DDX10: variants seen among roughly 807,000 people sequenced by gnomAD.
DDX10 encodes the protein DEAD-box helicase 10.
DDX10 carries 74 observed loss-of-function variants against 104.3 expected under a neutral mutation model. That is an observed-to-expected ratio of 0.71 (90% confidence interval 0.59 to 0.86). The LOEUF is 0.86. DDX10 is among the 40% of genes least tolerant of loss of function. The pLI is 0.00. For synonymous variants in DDX10, 351 were observed against 353.4 expected, an observed-to-expected ratio of 0.99 and a Z score of 0.08; for missense variants, 952 against 1,040.0, an observed-to-expected ratio of 0.92 and a Z score of 1.16.
intron 15 of DDX10, among the ~76,000 whole-genome samples, chr11:108,849,748 T>G (rs1388677769): frequency 6.6e-6 from 1 of 151,882 alleles, no homozygotes; most frequent in East Asian, 1.9e-4. Flanking sequence ...ATAGGAAAAA[T>G]AAAGCATTTA....
At chr11:108,796,107 G>T (rs576003724) in intron 13 of DDX10, among the ~76,000 whole-genome samples, 3 of 152,102 alleles carry the variant, frequency 2.0e-5, no homozygotes, top group Non-Finnish European at 4.4e-5. Flanking sequence ...GCTGTTAATA[G>T]TATTTCTTTA....
At chr11:108,704,146 G>A (rs116992358) in intron 9 of DDX10, among the ~76,000 whole-genome samples, 1,577 of 152,252 alleles carry the variant, frequency 0.01, 19 homozygotes, top group Admixed American at 0.025. Context: ...ATGGACAGAG[G>A]TGTGACTAGC....
chr11:108,763,548 T>A (rs1170307720), intron 13 of DDX10, among the ~76,000 whole-genome samples: 1 of 152,206 alleles, frequency 6.6e-6, no homozygotes, highest in African/African-American at 2.4e-5. Flanking sequence ...GTTAGCACCA[T>A]GCTTTTTCCA....
chr11:108,877,542 C>T (rs1314517359), intron 16 of DDX10, among the ~76,000 whole-genome samples: 1 of 152,142 alleles, frequency 6.6e-6, no homozygotes, highest in African/African-American at 2.4e-5. Context: ...TTGTACAAAT[C>T]AAGCTTGTGT....
At chr11:108,868,802 T>G (rs1277118002) in intron 16 of DDX10, among the ~76,000 whole-genome samples, 1 of 152,108 alleles carries the variant, frequency 6.6e-6, no homozygotes, top group East Asian at 1.9e-4. Context: ...TAATACCCTA[T>G]CAGAGCTCCC....
At chr11:108,772,005 A>G (rs939623854) in intron 13 of DDX10, among the ~76,000 whole-genome samples, 1 of 152,164 alleles carries the variant, frequency 6.6e-6, no homozygotes, top group African/African-American at 2.4e-5. Flanking sequence ...TTTAGCTTGT[A>G]GTTTGTCCAT....
At chr11:108,902,463 C>G (rs1421345380) in intron 16 of DDX10, among the ~76,000 whole-genome samples, 1 of 152,146 alleles carries the variant, frequency 6.6e-6, no homozygotes, top group African/African-American at 2.4e-5. Flanking sequence ...CTTCCCAGCT[C>G]TATAAACTAT....
chr11:108,906,939 C>A (rs1401710721), intron 16 of DDX10, among the ~76,000 whole-genome samples: 1 of 152,196 alleles, frequency 6.6e-6, no homozygotes, highest in Admixed American at 6.5e-5. Flanking sequence ...AACTGGCATA[C>A]TGTGTCTCAG....
At chr11:108,854,443 T>C (rs187385654) in intron 16 of DDX10, among the ~76,000 whole-genome samples, 2 of 152,354 alleles carry the variant, frequency 1.3e-5, no homozygotes, top group East Asian at 1.9e-4. Context: ...ACTTAGGATA[T>C]TGCCTTCTGA....
At chr11:108,697,104 T>G (rs1044078601) in intron 9 of DDX10, among the ~76,000 whole-genome samples, 3 of 152,194 alleles carry the variant, frequency 2.0e-5, no homozygotes, top group Non-Finnish European at 2.9e-5. Context: ...TAATGTAATT[T>G]TTAGTATGGT....
At chr11:108,793,663 A>G (rs946979926) in intron 13 of DDX10, among the ~76,000 whole-genome samples, 2 of 151,488 alleles carry the variant, frequency 1.3e-5, no homozygotes, top group Non-Finnish European at 2.9e-5. Context: ...CTTGTGACCT[A>G]TTTTGAAATA....
intron 13 of DDX10, among the ~76,000 whole-genome samples, chr11:108,762,000 T>G (rs991270787): frequency 1.2e-4 from 18 of 152,312 alleles, no homozygotes; most frequent in African/African-American, 4.1e-4. Context: ...ATGAGTACAG[T>G]TGACATTTAT....
intron 15 of DDX10, among the ~76,000 whole-genome samples, chr11:108,842,269 T>C (rs1862648636): frequency 6.6e-6 from 1 of 152,138 alleles, no homozygotes; most frequent in African/African-American, 2.4e-5. Flanking sequence ...ATAAAGCAGA[T>C]TGACATTTTT....
At chr11:108,859,467 G>A (rs1222671469) in intron 16 of DDX10, among the ~76,000 whole-genome samples, 2 of 151,908 alleles carry the variant, frequency 1.3e-5, no homozygotes, top group Non-Finnish European at 2.9e-5. Context: ...AGGGCTGTGT[G>A]TGTACATATC....
chr11:108,723,554 A>C, intron 13 of DDX10, 92 bp downstream of exon 13: 1 of 1,305,650 alleles, frequency 7.7e-7, no homozygotes, highest in Middle Eastern at 2.1e-4. Context: ...GTGAAAACTA[A>C]GAAACTTAGA....
In DDX10 at chr11:108,723,350, A is replaced by C; in HGVS notation, c.1853A>C (p.Glu618Ala). The change falls in exon 13 of 18, where the codon GAA becomes GCA. Residue 618 changes from glutamate to alanine, a missense_variant. Around this residue, in one of 3 missense-constraint regions of DDX10, gnomAD observed 533 missense variants for 534.1 expected, o/e 1.00. Coordinates refer to ENST00000322536, the MANE Select transcript of DDX10 (RefSeq NM_004398.4). ...ACCAGTGAGGCACAGAAGATCAAGG[A>C]AGTTCCTACACAGTTCTTGGACAGA... Reference protein sequence around the residue: ...PNTSEAQKIKEVPTQFLDRDE... With the variant: ...PNTSEAQKIKAVPTQFLDRDE... 2 of 1,613,982 alleles carry C rather than the reference A, an allele frequency of 1.2e-6. No homozygotes were observed. The highest frequency in any genetic ancestry group is 1.7e-6 in the Non-Finnish European group (2 of 1,179,934).
intron 16 of DDX10, among the ~76,000 whole-genome samples, chr11:108,915,434 T>C (rs978265668): frequency 8.6e-6 from 1 of 116,910 alleles, no homozygotes; most frequent in Admixed American, 7.9e-5. Context: ...AAAGGCTTGT[T>C]TTTTTTTTTT....
chr11:108,883,563 G>A (rs1863255960), intron 16 of DDX10, among the ~76,000 whole-genome samples: 1 of 152,150 alleles, frequency 6.6e-6, no homozygotes, highest in African/African-American at 2.4e-5. Flanking sequence ...AAGGGGGGAA[G>A]TCTCTTTCTA....
Position 108,743,070 on chromosome 11 carries a change from CACA to C in DDX10, c.1965+19613_1965+19615del, listed in dbSNP as rs556584149. Among the ~76,000 whole-genome samples the C allele has an allele frequency of 8.8e-4, 134 of 152,180 alleles. 1 individual carries two copies. The highest frequency in any genetic ancestry group is 3.2e-3 in the African/African-American group (131 of 41,520). The stretch of plus-strand genomic sequence containing the variant: ...TCCTGATACCAAAAGCTGGTTGAGA[CACA>C]ACAAAAAGAAAACTTCAGGTCAATA... On this transcript the variant is annotated intron_variant, in intron 13 of 17. Transcript: ENST00000322536.
Sources: gnomAD v4.1 joint callset for allele counts (sites outside exome capture counted in the v4.1 genomes callset) on GRCh38, gnomAD v4.1.1 for gene constraint, gnomAD v4.1.1 regional missense constraint, MANE v1.5 for transcripts, NCBI Gene and HGNC (gene_info 2026-07-23, HGNC 2026-07-21) for gene names.